The following PARD3B variants were observed in gnomAD, a reference collection of about 807,000 sequenced individuals.
The protein encoded by PARD3B is par-3 family cell polarity regulator beta.
In PARD3B, 103 loss-of-function variants were observed where a neutral mutation model predicts 130.2. The ratio of observed to expected loss-of-function variants is 0.79; its 90% CI spans 0.67 to 0.93. PARD3B has a LOEUF of 0.93. Among genes scored for constraint, PARD3B ranks in the 40% least tolerant of loss-of-function variants. The pLI, the probability that PARD3B is intolerant of heterozygous loss-of-function variation, is 0.00. For missense variants in PARD3B, 1,609 were observed against 1,499.2 expected (o/e 1.07, Z -1.21); for synonymous variants, 583 against 553.2 (o/e 1.05, Z -0.76).
rs2030676297 is a variant in PARD3B, at chr2:205,121,254, A to T, written c.807-337A>T. Among the ~76,000 whole-genome samples, 2 of 152,228 alleles carry T rather than the reference A, an allele frequency of 1.3e-5. No individual in the cohort carries two copies. The highest frequency in any genetic ancestry group is 4.8e-5 in the African/African-American group (2 of 41,472). ...TGGTTAGATTTTCATCTTTAGAAAC[A>T]TGTAAAAGCTGTGGGTCATTGGATA... On this transcript the variant is annotated intron_variant, in intron 7 of 22. Coordinates refer to ENST00000406610, the MANE Select transcript of PARD3B (RefSeq NM_001302769.2). The surrounding 1 kb of genome is among the most constrained non-coding windows in gnomAD (Gnocchi z 5.0).
In PARD3B at chr2:205,256,352, C is replaced by T. The variant is rs117947943; in HGVS notation, c.2185+10530C>T. Among the ~76,000 whole-genome samples, 86 of 152,064 alleles carry T rather than the reference C, an allele frequency of 5.7e-4. No individual in the cohort carries two copies. In the East Asian group the frequency reaches 0.016, roughly 28 times the overall value. ...AAGCTAGTATTTATTGAACATGTAC[C>T]GTATACCAGGCTCTTTGCCAACTGC... is the stretch of plus-strand genomic sequence containing the variant. On this transcript the variant is annotated intron_variant, in intron 16 of 22. Coordinates refer to ENST00000406610, the MANE Select transcript of PARD3B (RefSeq NM_001302769.2).
intron 10 of PARD3B, among the ~76,000 whole-genome samples, chr2:205,152,261 A>G (rs141189800): frequency 0.034 from 5,178 of 152,162 alleles, 291 homozygotes; most frequent in African/African-American, 0.12. Flanking sequence ...CTCAAGGAGT[A>G]TCTTTGTGGC....
chr2:204,834,793 A>G (rs914056720), intron 2 of PARD3B, among the ~76,000 whole-genome samples: 1 of 152,228 alleles, frequency 6.6e-6, no homozygotes, highest in African/African-American at 2.4e-5. Flanking sequence ...TTAAACCAAA[A>G]GTGATCAAAT....
chr2:204,709,004 A>C (rs1189503327), intron 2 of PARD3B, among the ~76,000 whole-genome samples: 2 of 152,230 alleles, frequency 1.3e-5, no homozygotes, highest in Admixed American at 6.5e-5. Context: ...CTAATTTAGC[A>C]TAGTACATCT....
intron 2 of PARD3B, among the ~76,000 whole-genome samples, chr2:204,953,976 C>T (rs1690026672): frequency 6.6e-6 from 1 of 152,086 alleles, no homozygotes; most frequent in Non-Finnish European, 1.5e-5. Context: ...GGTGCCACAC[C>T]ACTTATGACA....
At chr2:205,218,476 A>G (rs2038066927) in intron 15 of PARD3B, among the ~76,000 whole-genome samples, 2 of 152,218 alleles carry the variant, frequency 1.3e-5, no homozygotes, top group Non-Finnish European at 2.9e-5. Context: ...TATCAATTGC[A>G]AAAAGGTTAC....
intron 15 of PARD3B, among the ~76,000 whole-genome samples, chr2:205,203,207 C>T (rs1229022116): frequency 6.6e-6 from 1 of 152,130 alleles, no homozygotes; most frequent in Non-Finnish European, 1.5e-5. Flanking sequence ...AAATTGACCT[C>T]TGTGTACTTA....
chr2:204,793,391 G>A (rs1053257930), intron 2 of PARD3B, among the ~76,000 whole-genome samples: 3 of 152,140 alleles, frequency 2.0e-5, no homozygotes, highest in South Asian at 2.1e-4. Flanking sequence ...TTTTTCAGTC[G>A]TAATATAAAT....
At chr2:204,723,081 T>A (rs1033309992) in intron 2 of PARD3B, among the ~76,000 whole-genome samples, 3 of 152,188 alleles carry the variant, frequency 2.0e-5, no homozygotes, top group African/African-American at 4.8e-5. Flanking sequence ...AAGAAAATAT[T>A]TCCTGAGTCA....
chr2:205,102,853 A>C (rs1363815450), intron 4 of PARD3B, among the ~76,000 whole-genome samples: 3 of 152,080 alleles, frequency 2.0e-5, no homozygotes, highest in Non-Finnish European at 1.5e-5. Context: ...TCATGAGGTC[A>C]GGAGATTGAG....
chr2:204,563,594 A>C (rs1207214416), intron 1 of PARD3B, among the ~76,000 whole-genome samples: 1 of 152,172 alleles, frequency 6.6e-6, no homozygotes, highest in Non-Finnish European at 1.5e-5. Flanking sequence ...TAGTCCACAT[A>C]TAATAATCAT....
intron 6 of PARD3B, among the ~76,000 whole-genome samples, chr2:205,113,921 A>G (rs1234209687): frequency 6.6e-6 from 1 of 152,148 alleles, no homozygotes; most frequent in African/African-American, 2.4e-5. Flanking sequence ...AATATTCCAG[A>G]ATATACTTCA....
At position 204,890,917 on chromosome 2, in the gene PARD3B, A is replaced by G. The variant is rs1019498089; in HGVS notation, c.223-74235A>G. 2.6e-5 allele frequency among the ~76,000 whole-genome samples: 4 copies of G among 152,176 alleles called. No individual in the cohort carries two copies. Among genetic ancestry groups the G allele is most frequent in the Non-Finnish European group, 5.9e-5 (4 of 68,014 alleles). ...ACATTGATCCTTTTCAACAGGCAAG[A>G]GATAATATCTCTTGCCATCATCCAC... is the stretch of plus-strand genomic sequence containing the variant. On this transcript the variant is annotated intron_variant, in intron 2 of 22. Coordinates refer to ENST00000406610, the MANE Select transcript of PARD3B (RefSeq NM_001302769.2). The surrounding 1 kb of genome is among the most constrained non-coding windows in gnomAD (Gnocchi z 4.9).
intron 1 of PARD3B, among the ~76,000 whole-genome samples, chr2:204,560,200 C>T (rs1230899043): frequency 6.6e-6 from 1 of 152,010 alleles, no homozygotes; most frequent in Non-Finnish European, 1.5e-5. Context: ...GTAAAATGTG[C>T]CATGTAATCA....
In PARD3B at chr2:204,672,893, C is replaced by T. The variant is rs150906080; in HGVS notation, c.121-13288C>T. 7.0e-4 allele frequency among the ~76,000 whole-genome samples: 106 copies of T among 152,290 alleles called. 1 individual carries two copies. Among genetic ancestry groups the T allele is most frequent in the African/African-American group, 2.5e-3 (102 of 41,566 alleles). ...ATCTATTGTAAGAAGAGTGCAGTGT[C>T]AGATGCTGGGATTACAGTGGCATAC... On this transcript the variant is annotated intron_variant, in intron 1 of 22. Transcript: ENST00000406610.
At chr2:204,861,379 A>AT (rs1253072790) in intron 2 of PARD3B, among the ~76,000 whole-genome samples, 3 of 152,184 alleles carry the variant, frequency 2.0e-5, no homozygotes, top group Non-Finnish European at 4.4e-5. Context: ...ATATTTGGGG[A>AT]TTTTTAAATG....
chr2:204,621,693 C>T (rs937628927), intron 1 of PARD3B, among the ~76,000 whole-genome samples: 4 of 152,150 alleles, frequency 2.6e-5, no homozygotes, highest in Non-Finnish European at 5.9e-5. Flanking sequence ...TCCTAAATAG[C>T]TTTCTGTGGT....
At chr2:204,594,332 CAG>C (rs2033198118) in intron 1 of PARD3B, among the ~76,000 whole-genome samples, 2 of 152,200 alleles carry the variant, frequency 1.3e-5, no homozygotes, top group South Asian at 2.1e-4. Flanking sequence ...TCCTTTTCCA[CAG>C]AGTTTACCAA....
chr2:204,603,100 A>G (rs1301004863), intron 1 of PARD3B, among the ~76,000 whole-genome samples: 1 of 152,170 alleles, frequency 6.6e-6, no homozygotes, highest in East Asian at 1.9e-4. Flanking sequence ...CTTCCTGCTC[A>G]GCACAGGAAT....
Sources: gnomAD v4.1 joint callset for allele counts (sites outside exome capture counted in the v4.1 genomes callset) on GRCh38, gnomAD v4.1.1 for gene constraint, Gnocchi (gnomAD v3.1) non-coding constraint, MANE v1.5 for transcripts, NCBI Gene and HGNC (gene_info 2026-07-23, HGNC 2026-07-21) for gene names.